CCDC178: variants seen among roughly 807,000 people sequenced by gnomAD.
CCDC178 encodes coiled-coil domain containing 178.
Under a neutral mutation model 117.4 loss-of-function variants are expected in CCDC178, and 126 were observed. The ratio of observed to expected loss-of-function variants is 1.07; its 90% CI spans 0.93 to 1.24. The LOEUF is 1.24. Ranked by LOEUF, CCDC178 falls within the 50% of genes most tolerant of loss-of-function variation. The pLI is 0.00. For synonymous variants in CCDC178, 283 were observed against 313.4 expected (o/e 0.90, Z 1.02); for missense variants, 1,030 against 986.9 (o/e 1.04, Z -0.59).
chr18:32,971,326 AT>A (rs1164388668), intron 22 of CCDC178, among the ~76,000 whole-genome samples: 3 of 152,124 alleles, frequency 2.0e-5, no homozygotes, highest in Non-Finnish European at 4.4e-5. Flanking sequence ...TTCCAGCTTC[AT>A]CCATGTCCCT....
In CCDC178 at chr18:33,388,519, A is replaced by ATTTTTTTTTTTTTTTTTTTTTT. The variant is rs71159828; in HGVS notation, c.208+1020_208+1021insAAAAAAAAAAAAAAAAAAAAAA. Among the ~76,000 whole-genome samples, 4 of 65,268 alleles carry ATTTTTTTTTTTTTTTTTTTTTT rather than the reference A, an allele frequency of 6.1e-5. 1 individual carries two copies. The highest frequency in any genetic ancestry group is 1.9e-4 in the African/African-American group (3 of 15,862). 42.8% of individuals were successfully genotyped at this position (65,268 alleles called of 152,430 possible). A position where few individuals can be genotyped will look rare whatever the true frequency, so the allele number is the denominator to read the frequency against. On this transcript the variant is annotated intron_variant, in intron 5 of 22. Transcript: ENST00000383096. Reference sequence around the variant, plus strand: ...AAATGTGGTACATATACACCACGGAATTTTTTTTTTTTTTTTTTGAGACGG... The same window carrying ATTTTTTTTTTTTTTTTTTTTTT: ...AAATGTGGTACATATACACCACGGAATTTTTTTTTTTTTTTTTTTTTTTTTTTTTTTTTTTTTTTTGAGACGG...
At chr18:33,399,866 G>GT (rs1470487721) in intron 3 of CCDC178, among the ~76,000 whole-genome samples, 1 of 152,150 alleles carries the variant, frequency 6.6e-6, no homozygotes, top group Middle Eastern at 3.4e-3. Context: ...TTTCCTCAAG[G>GT]TTTTTTATTT....
intron 21 of CCDC178, among the ~76,000 whole-genome samples, chr18:33,058,122 AT>A (rs2144951104): frequency 6.6e-6 from 1 of 152,330 alleles, no homozygotes; most frequent in African/African-American, 2.4e-5. Context: ...GAGCTACCAT[AT>A]GACCTGACTC....
chr18:33,056,327 T>C (rs1252212492), intron 21 of CCDC178, among the ~76,000 whole-genome samples: 1 of 152,180 alleles, frequency 6.6e-6, no homozygotes, highest in Non-Finnish European at 1.5e-5. Flanking sequence ...TTAAAAGTAA[T>C]TTCTGCTCTC....
chr18:33,196,182 T>G (rs1415867061), intron 20 of CCDC178, among the ~76,000 whole-genome samples: 1 of 152,156 alleles, frequency 6.6e-6, no homozygotes, highest in South Asian at 2.1e-4. Context: ...CTGGAAAAAC[T>G]AACGATTATC....
chr18:33,392,145 A>T (rs2063573249), intron 4 of CCDC178, among the ~76,000 whole-genome samples: 1 of 152,056 alleles, frequency 6.6e-6, no homozygotes, highest in South Asian at 2.1e-4. Context: ...CATTGCAGGC[A>T]TAAGCCACCA....
intron 20 of CCDC178, among the ~76,000 whole-genome samples, chr18:33,173,362 T>C (rs1220793481): frequency 6.6e-6 from 1 of 152,180 alleles, no homozygotes; most frequent in Non-Finnish European, 1.5e-5. Context: ...TTCAGTTTTA[T>C]AGAAACTTCT....
Position 33,221,273 on chromosome 18 carries a change from G to T in CCDC178, c.1932+1833C>A, listed in dbSNP as rs188015529. On this transcript the variant is annotated intron_variant, in intron 18 of 22. Transcript: ENST00000383096. ...TCTTTGACTTTTCTCTCCTTCTTTT[G>T]GCTAAAAAGTAAGCTGACTCTAACA... Among the ~76,000 whole-genome samples the T allele has an allele frequency of 3.3e-3, 503 of 152,106 alleles. 2 individuals are homozygous for T. The highest frequency in any genetic ancestry group is 0.011 in the African/African-American group (459 of 41,514).
intron 20 of CCDC178, among the ~76,000 whole-genome samples, chr18:33,120,853 A>C (rs140352481): frequency 6.6e-6 from 1 of 152,314 alleles, no homozygotes; most frequent in Non-Finnish European, 1.5e-5. Context: ...GATATTAAAC[A>C]AGAAGAATGA....
At chr18:33,293,767 TA>T (rs1031559265) in intron 11 of CCDC178, among the ~76,000 whole-genome samples, 1 of 152,084 alleles carries the variant, frequency 6.6e-6, no homozygotes, top group African/African-American at 2.4e-5. Context: ...TGACAATTTC[TA>T]AAAAAATACT....
chr18:33,188,387 T>C (rs776087128), intron 20 of CCDC178, among the ~76,000 whole-genome samples: 2 of 152,098 alleles, frequency 1.3e-5, no homozygotes, highest in Non-Finnish European at 2.9e-5. Context: ...AGGGAATTAA[T>C]CAAATGTCCT....
At chr18:33,025,227 C>T (rs1175960858) in intron 21 of CCDC178, among the ~76,000 whole-genome samples, 1 of 152,064 alleles carries the variant, frequency 6.6e-6, no homozygotes, top group African/African-American at 2.4e-5. Context: ...AGTTCCATAT[C>T]AATAGATGCA....
intron 20 of CCDC178, among the ~76,000 whole-genome samples, chr18:33,163,308 CAT>C (rs1259252978): frequency 3.3e-5 from 5 of 152,068 alleles, no homozygotes; most frequent in Admixed American, 2.6e-4. Context: ...AATATATAAA[CAT>C]ATAGTCTGCC....
chr18:32,957,624 G>C (rs1279697255), intron 22 of CCDC178: 3 of 152,086 alleles, frequency 2.0e-5, no homozygotes, highest in African/African-American at 7.2e-5. Context: ...ACAACATTAG[G>C]ATATTACAAT....
chr18:33,129,110 A>G (rs2058041545), intron 20 of CCDC178, among the ~76,000 whole-genome samples: 1 of 152,132 alleles, frequency 6.6e-6, no homozygotes, highest in South Asian at 2.1e-4. Context: ...AATCAAAGAT[A>G]GATTTCTTGG....
chr18:33,311,163 GAAAAC>G (rs373389228), intron 11 of CCDC178, among the ~76,000 whole-genome samples: 1 of 151,798 alleles, frequency 6.6e-6, no homozygotes, highest in African/African-American at 2.4e-5. Flanking sequence ...ACTGGAGCAG[GAAAAC>G]AAAACAAAAC....
chr18:32,957,478 T>G (rs896301342), intron 22 of CCDC178, among the ~76,000 whole-genome samples: 3 of 152,134 alleles, frequency 2.0e-5, no homozygotes, highest in African/African-American at 7.2e-5. Context: ...GGCATTTGTA[T>G]CAGGGAAAGT....
chr18:33,106,910 T>C (rs2057713966), intron 20 of CCDC178, among the ~76,000 whole-genome samples: 1 of 151,714 alleles, frequency 6.6e-6, no homozygotes, highest in African/African-American at 2.4e-5. Flanking sequence ...AGCCAAGGAA[T>C]GCAGGCAGCT....
chr18:33,410,891 A>G (rs996497181), intron 3 of CCDC178, among the ~76,000 whole-genome samples: 6 of 152,274 alleles, frequency 3.9e-5, no homozygotes, highest in Non-Finnish European at 8.8e-5. Context: ...AACTGCCAAA[A>G]CCCAGAGATC....
Sources: gnomAD v4.1 joint callset for allele counts (sites outside exome capture counted in the v4.1 genomes callset) on GRCh38, gnomAD v4.1.1 for gene constraint, MANE v1.5 for transcripts, NCBI Gene and HGNC (gene_info 2026-07-23, HGNC 2026-07-21) for gene names.